The following FRMD4A variants were observed in gnomAD, a reference collection of about 807,000 sequenced individuals.
FRMD4A encodes FERM domain-containing protein 4A.
In FRMD4A, 29 loss-of-function variants were observed where a neutral mutation model predicts 129.1. The ratio of observed to expected loss-of-function variants is 0.22; its 90% CI spans 0.17 to 0.31. FRMD4A has a LOEUF of 0.31. Ranked by LOEUF, FRMD4A falls within the 10% of genes least tolerant of loss-of-function variation. FRMD4A has a pLI of 1.00. For missense variants in FRMD4A, 1,272 were observed against 1,375.8 expected (o/e 0.92, Z 1.19); for synonymous variants, 634 against 571.6 (o/e 1.11, Z -1.56).
intron 2 of FRMD4A, among the ~76,000 whole-genome samples, chr10:14,135,764 G>T (rs966361978): frequency 1.3e-5 from 2 of 152,122 alleles, no homozygotes; most frequent in African/African-American, 4.8e-5. Context: ...AAACTATGAT[G>T]CCTGATTCCA....
chr10:14,311,597 T>C, intron 2 of FRMD4A, among the ~76,000 whole-genome samples: 2 of 112,458 alleles, frequency 1.8e-5, no homozygotes, highest in Admixed American at 1.2e-4. Flanking sequence ...CTGCCATCTC[T>C]CACACTCTCT....
At chr10:14,046,251 A>G (rs1833987720) in intron 2 of FRMD4A, among the ~76,000 whole-genome samples, 2 of 152,156 alleles carry the variant, frequency 1.3e-5, no homozygotes, top group Non-Finnish European at 2.9e-5. Context: ...TAATTCAAGT[A>G]CTTATTTAAA....
intron 2 of FRMD4A, among the ~76,000 whole-genome samples, chr10:14,039,374 CCA>C (rs879900365): frequency 0.034 from 4,232 of 124,602 alleles, 88 homozygotes; most frequent in South Asian, 0.056. Flanking sequence ...GTCCGTCCAT[CCA>C]TCCATCCATC....
At chr10:14,152,100 G>A (rs1589084122) in intron 2 of FRMD4A, among the ~76,000 whole-genome samples, 1 of 142,676 alleles carries the variant, frequency 7.0e-6, no homozygotes, top group African/African-American at 2.6e-5. Context: ...GCCAAAGCAG[G>A]ATATGTTTGT....
At chr10:14,326,036 A>G (rs1192193891) in intron 2 of FRMD4A, 1 of 152,216 alleles carries the variant, frequency 6.6e-6, no homozygotes, top group African/African-American at 2.4e-5. Flanking sequence ...TTAATTTTTT[A>G]TGTTATAAAA....
chr10:13,656,095 C>G (rs1412455664), intron 22 of FRMD4A, among the ~76,000 whole-genome samples: 2 of 152,140 alleles, frequency 1.3e-5, no homozygotes, highest in African/African-American at 2.4e-5. Context: ...ACATCATCAT[C>G]GAAATGGGAA....
intron 7 of FRMD4A, among the ~76,000 whole-genome samples, chr10:13,761,943 A>G (rs182981642): frequency 2.6e-5 from 4 of 152,338 alleles, no homozygotes; most frequent in African/African-American, 7.2e-5. Flanking sequence ...CCTGGGTCTG[A>G]CATGTTCTAG....
At chr10:14,082,709 T>G (rs986736870) in intron 2 of FRMD4A, among the ~76,000 whole-genome samples, 2 of 152,302 alleles carry the variant, frequency 1.3e-5, no homozygotes, top group African/African-American at 4.8e-5. Flanking sequence ...AATGGCTTTG[T>G]AGCCCATAAC....
At chr10:13,952,180 T>A (rs921059357) in intron 2 of FRMD4A, among the ~76,000 whole-genome samples, 2 of 151,454 alleles carry the variant, frequency 1.3e-5, no homozygotes, top group African/African-American at 4.8e-5. Flanking sequence ...ATATGCTTTT[T>A]ATTTTTATTA....
At chr10:14,026,643 G>T (rs1388902434) in intron 2 of FRMD4A, among the ~76,000 whole-genome samples, 2 of 152,202 alleles carry the variant, frequency 1.3e-5, no homozygotes, top group African/African-American at 4.8e-5. Flanking sequence ...GACCTTCCTA[G>T]GGGCTCATGG....
chr10:14,185,749 C>G (rs1473850680), intron 2 of FRMD4A, among the ~76,000 whole-genome samples: 5 of 152,156 alleles, frequency 3.3e-5, no homozygotes, highest in Admixed American at 6.5e-5. Context: ...CAGCAGTAGA[C>G]CAGGCTAGTA....
chr10:13,884,072 GGTGGTTGA>G lies in FRMD4A; in HGVS notation c.46-25168_46-25161del, dbSNP rs141855501. ...AAGGAAACTATCCCAATATTTTCACGGTGGTTGAGTGGTTGATGCAATGGAAAAGAAAC... is the reference window on the plus strand; with the variant it reads ...AAGGAAACTATCCCAATATTTTCACGGTGGTTGATGCAATGGAAAAGAAAC... On this transcript the variant is annotated intron_variant, in intron 2 of 24. Transcript: ENST00000357447. 1.4e-3 allele frequency among the ~76,000 whole-genome samples: 215 copies of G among 150,602 alleles called. 1 individual carries two copies. The highest frequency in any genetic ancestry group is 2.5e-3 in the Admixed American group (37 of 15,068).
At chr10:13,888,210 T>C (rs1022857658) in intron 2 of FRMD4A, among the ~76,000 whole-genome samples, 2 of 152,230 alleles carry the variant, frequency 1.3e-5, no homozygotes, top group Non-Finnish European at 2.9e-5. Context: ...CAGCACGCCC[T>C]TCCCCACAAG....
chr10:13,954,909 T>C (rs1240083900), intron 2 of FRMD4A, among the ~76,000 whole-genome samples: 3 of 152,174 alleles, frequency 2.0e-5, no homozygotes, highest in Non-Finnish European at 2.9e-5. Context: ...GGGCTAGAAA[T>C]TATCGGCACA....
rs1564978624 is a variant in FRMD4A, at chr10:13,887,601, C to T, written c.46-28689G>A. Reference sequence around the variant, plus strand: ...GGCTGAGGCAGGGTGGCAGAGGTTGCCGTGAGCCGAGATTGCACCACTGCA... The same window carrying T: ...GGCTGAGGCAGGGTGGCAGAGGTTGTCGTGAGCCGAGATTGCACCACTGCA... On this transcript the variant is annotated intron_variant, in intron 2 of 24. Transcript: ENST00000357447. 2.6e-5 allele frequency among the ~76,000 whole-genome samples: 4 copies of T among 152,286 alleles called. No individual in the cohort carries two copies. In the South Asian group the frequency reaches 8.3e-4, roughly 32 times the overall value.
At chr10:13,941,079 A>C (rs1366533839) in intron 2 of FRMD4A, among the ~76,000 whole-genome samples, 1 of 152,300 alleles carries the variant, frequency 6.6e-6, no homozygotes, top group East Asian at 1.9e-4. Context: ...AATTTAGTTA[A>C]ATGCAAATCG....
At chr10:13,837,051 C>G (rs2093887823) in intron 3 of FRMD4A, among the ~76,000 whole-genome samples, 1 of 152,152 alleles carries the variant, frequency 6.6e-6, no homozygotes, top group African/African-American at 2.4e-5. Context: ...GCCACCGCAC[C>G]CGGCCGGTTC....
chr10:14,299,620 C>T (rs1846120178), intron 2 of FRMD4A, among the ~76,000 whole-genome samples: 1 of 152,164 alleles, frequency 6.6e-6, no homozygotes, highest in African/African-American at 2.4e-5. Flanking sequence ...CACCTCTCCC[C>T]ACTCTACAGT....
chr10:13,893,351 G>A (rs911410307), intron 2 of FRMD4A, among the ~76,000 whole-genome samples: 4 of 152,108 alleles, frequency 2.6e-5, no homozygotes, highest in Non-Finnish European at 5.9e-5. Flanking sequence ...TCTGTGAGGC[G>A]TATTCCAATG....
Sources: allele counts gnomAD v4.1 joint callset (sites outside exome capture counted in the v4.1 genomes callset), GRCh38; gene constraint gnomAD v4.1.1; transcripts MANE v1.5; gene names NCBI Gene and HGNC (gene_info 2026-07-23, HGNC 2026-07-21).